Variants in NPHP1 observed in about 807,000 individuals in gnomAD.
NPHP1 encodes the protein nephrocystin 1, also known as nephrocystin-1.
In NPHP1, 70 loss-of-function variants were observed where a neutral mutation model predicts 90.4. The observed-to-expected ratio is 0.77, with a 90% CI of 0.64 to 0.95. The LOEUF is 0.95. Among genes scored for constraint, NPHP1 ranks in the 40% least tolerant of loss-of-function variants. The probability of loss-of-function intolerance (pLI) is 0.00; values close to 1 mark genes in which losing one functional copy is unlikely to be tolerated. For missense variants in NPHP1, 764 were observed against 795.9 expected, an observed-to-expected ratio of 0.96 and a Z score of 0.48; for synonymous variants, 256 against 271.7, an observed-to-expected ratio of 0.94 and a Z score of 0.57.
At chr2:110,192,728 A>G (rs1240149428) in intron 2 of NPHP1, among the ~76,000 whole-genome samples, 1 of 152,184 alleles carries the variant, frequency 6.6e-6, no homozygotes. Flanking sequence ...AGTTGAAATG[A>G]AGGAAAAAAT....
Position 110,197,590 on chromosome 2 carries a change from C to G in NPHP1, c.143+3831G>C, listed in dbSNP as rs140734413. On this transcript the variant is annotated intron_variant, in intron 2 of 19. Transcript: ENST00000445609. Reference sequence around the variant, plus strand: ...CTCCCTTACCAGGCATGAAAAGAATCTCTCCTACATCTGCTCTTAGATACT... The same window carrying G: ...CTCCCTTACCAGGCATGAAAAGAATGTCTCCTACATCTGCTCTTAGATACT... Among the ~76,000 whole-genome samples the G allele has an allele frequency of 6.4e-3, 978 of 152,240 alleles. 15 individuals carry two copies. The highest frequency in any genetic ancestry group is 0.023 in the African/African-American group (942 of 41,542).
intron 16 of NPHP1, among the ~76,000 whole-genome samples, chr2:110,138,286 C>T (rs564088651): frequency 2.0e-5 from 3 of 151,902 alleles, no homozygotes; most frequent in South Asian, 2.1e-4. Flanking sequence ...CTAACCTGCA[C>T]GTTCTGCACA....
At chr2:110,161,541 C>T (rs1323746897) in intron 10 of NPHP1, 62 bp downstream of exon 10, 6 of 1,066,792 alleles carry the variant, frequency 5.6e-6, no homozygotes, top group Non-Finnish European at 8.6e-6. Flanking sequence ...TGTTGTTTGT[C>T]TAATTGCAAC....
chr2:110,146,708 T>C (rs770771907), intron 14 of NPHP1, 45 bp downstream of exon 14: 3 of 1,412,580 alleles, frequency 2.1e-6, no homozygotes, highest in African/African-American at 1.4e-5. Flanking sequence ...AAAAAATGAA[T>C]TTTTACAGAA....
At chr2:110,148,886 C>T (rs1170890771) in intron 12 of NPHP1, among the ~76,000 whole-genome samples, 1 of 152,200 alleles carries the variant, frequency 6.6e-6, no homozygotes, top group Non-Finnish European at 1.5e-5. Flanking sequence ...CTGTATCCCT[C>T]CCTTCTTGAC....
intron 16 of NPHP1, among the ~76,000 whole-genome samples, chr2:110,136,464 C>T (rs1203172435): frequency 6.6e-6 from 1 of 152,180 alleles, no homozygotes; most frequent in African/African-American, 2.4e-5. Context: ...TGATAGGCAA[C>T]TTCAGCAAAG....
intron 4 of NPHP1, among the ~76,000 whole-genome samples, chr2:110,172,797 GAT>G (rs968995782): frequency 6.6e-6 from 1 of 151,876 alleles, no homozygotes; most frequent in African/African-American, 2.4e-5. Flanking sequence ...ACAAACAAAA[GAT>G]AGAAATTTTC....
intron 16 of NPHP1, among the ~76,000 whole-genome samples, chr2:110,142,316 A>G (rs1271172938): frequency 2.6e-5 from 4 of 151,990 alleles, no homozygotes; most frequent in Non-Finnish European, 4.4e-5. Flanking sequence ...AGATAATATC[A>G]TAAGTTGAAA....
chr2:110,148,226 T>C (rs1380741682), intron 12 of NPHP1, among the ~76,000 whole-genome samples, 200 bp from the exon 13 acceptor site: 1 of 151,996 alleles, frequency 6.6e-6, no homozygotes, highest in African/African-American at 2.4e-5. Flanking sequence ...GAGAGTTCGT[T>C]CTCAGGAGAT....
intron 4 of NPHP1, among the ~76,000 whole-genome samples, chr2:110,175,256 G>C (rs1683426921): frequency 6.6e-6 from 1 of 151,950 alleles, no homozygotes; most frequent in African/African-American, 2.4e-5. Flanking sequence ...TCTTTCAAAG[G>C]CATATAGAAA....
At chr2:110,180,448 CTTTTTTTT>C (rs3086121) in intron 2 of NPHP1, among the ~76,000 whole-genome samples, 8,253 of 81,198 alleles carry the variant, frequency 0.1, 312 homozygotes, top group African/African-American at 0.18. Flanking sequence ...CCGTTTGAGT[CTTTTTTTT>C]TTTTTTTTTT....
chr2:110,188,953 A>T (rs1377369915), intron 2 of NPHP1, among the ~76,000 whole-genome samples: 1 of 152,178 alleles, frequency 6.6e-6, no homozygotes, highest in African/African-American at 2.4e-5. Context: ...TACGCAGAAA[A>T]TTGAAACTAG....
chr2:110,188,060 T>C (rs1156240548), intron 2 of NPHP1, among the ~76,000 whole-genome samples: 1 of 152,156 alleles, frequency 6.6e-6, no homozygotes. Flanking sequence ...GCCAATATCA[T>C]ACTGAATGGG....
chr2:110,125,910 T>C, intron 18 of NPHP1: 1 of 567,386 alleles, frequency 1.8e-6, no homozygotes, highest in Non-Finnish European at 3.1e-6. Flanking sequence ...ATGATAATTA[T>C]AAATCAAAAC....
chr2:110,150,870 A>C (rs1050251396), intron 11 of NPHP1, among the ~76,000 whole-genome samples: 1 of 151,728 alleles, frequency 6.6e-6, no homozygotes, highest in African/African-American at 2.4e-5. Flanking sequence ...CTTTTAAAAG[A>C]AAAGATGTGA....
rs138944041 is a variant in NPHP1 at position 110,148,782 on chromosome 2, T to A, written c.1159-756A>T. Among the ~76,000 whole-genome samples, 64 of 152,306 alleles carry A rather than the reference T, an allele frequency of 4.2e-4. 1 individual carries two copies. The East Asian group carries it at 0.012, about 28-fold the overall frequency. The stretch of plus-strand genomic sequence containing the variant: ...CATAAACAGAACAAAAATTAAAGAC[T>A]GAATACACATATTTGCTCAACTTTC... On this transcript the variant is annotated intron_variant, in intron 12 of 19. Coordinates refer to ENST00000445609, the MANE Select transcript of NPHP1 (RefSeq NM_001128178.3).
intron 12 of NPHP1, among the ~76,000 whole-genome samples, chr2:110,148,733 ATATT>A (rs1273144304): frequency 6.6e-6 from 1 of 152,190 alleles, no homozygotes; most frequent in African/African-American, 2.4e-5. Context: ...ACATTATAAG[ATATT>A]TATATTAACC....
chr2:110,158,507 G>A (rs1682075528), intron 11 of NPHP1, among the ~76,000 whole-genome samples: 2 of 151,932 alleles, frequency 1.3e-5, no homozygotes, highest in South Asian at 2.1e-4. Context: ...TGTTAGGTAT[G>A]TACCCACTTA....
chr2:110,147,280 C>T (rs1425114958), intron 13 of NPHP1, among the ~76,000 whole-genome samples: 1 of 151,888 alleles, frequency 6.6e-6, no homozygotes, highest in Non-Finnish European at 1.5e-5. Flanking sequence ...CTTTGGGGGG[C>T]CTGCTCCTTT....
Sources: gnomAD v4.1 joint callset for allele counts (sites outside exome capture counted in the v4.1 genomes callset) on GRCh38, gnomAD v4.1.1 for gene constraint, MANE v1.5 for transcripts, NCBI Gene and HGNC (gene_info 2026-07-23, HGNC 2026-07-21) for gene names.